CEP70: variants seen among roughly 807,000 people sequenced by gnomAD.
CEP70 encodes centrosomal protein of 70 kDa.
In CEP70, 70 loss-of-function variants were observed where a neutral mutation model predicts 90.9. The ratio of observed to expected loss-of-function variants is 0.77; its 90% CI spans 0.64 to 0.94. CEP70 has a LOEUF of 0.94. CEP70 is among the 40% of genes least tolerant of loss of function. CEP70 has a pLI of 0.00. For synonymous variants in CEP70, 220 were observed against 228.3 expected (o/e 0.96, Z 0.33); for missense variants, 648 against 669.0 (o/e 0.97, Z 0.35).
rs145010043 is a variant in CEP70 at position 138,509,852 on chromosome 3, A to G, written c.945-1308T>C. ...AGTTAGTCACTTAGTAGCCATCTTG[A>G]TTATCAGATCAACTGTTGGGTACCA... On this transcript the variant is annotated intron_variant, in intron 11 of 17. Transcript: ENST00000264982. Among the ~76,000 whole-genome samples the G allele has an allele frequency of 7.0e-3, 1,073 of 152,208 alleles. 12 individuals carry two copies. Among genetic ancestry groups the G allele is most frequent in the African/African-American group, 0.025 (1,027 of 41,518 alleles).
intron 10 of CEP70, among the ~76,000 whole-genome samples, chr3:138,527,888 T>C (rs902976748): frequency 2.6e-5 from 4 of 151,682 alleles, no homozygotes; most frequent in Non-Finnish European, 4.4e-5. Context: ...ATTGTTAGGG[T>C]GATTATCTGG....
chr3:138,511,421 ATGGCCTCTAGAAGGACT>A (rs1560297274), intron 11 of CEP70, among the ~76,000 whole-genome samples: 2 of 152,272 alleles, frequency 1.3e-5, no homozygotes, highest in Non-Finnish European at 2.9e-5. Context: ...AAAAGCTGAT[ATGGCCTCTAGAAGGACT>A]AGACGTAAAC....
chr3:138,499,831 G>A, intron 16 of CEP70: 1 of 299,652 alleles, frequency 3.3e-6, no homozygotes, highest in Non-Finnish European at 6.3e-6. Flanking sequence ...GGTGGCGTGT[G>A]CTTACAGTCA....
chr3:138,537,985 A>T (rs2038428825), intron 6 of CEP70, among the ~76,000 whole-genome samples: 1 of 152,066 alleles, frequency 6.6e-6, no homozygotes, highest in Non-Finnish European at 1.5e-5. Context: ...ATGGTAAGAG[A>T]ATCGGACTTC....
At position 138,570,495 on chromosome 3, in the gene CEP70, A is replaced by G. The variant is rs1022462676; in HGVS notation, c.288T>C (p.Asn96=). Residue 96 remains asparagine, a synonymous_variant, in exon 6 of 18, where the codon AAT becomes AAC. Coordinates refer to ENST00000264982, the MANE Select transcript of CEP70 (RefSeq NM_024491.4). ...ELIETNQQLR[N]ELQLEQSRAA... is the part of the protein sequence containing the mutation. ...CTCGGCTTTGCTCTAGCTGAAGTTC[A>G]TTTCTAAGTTAATAGACATACAATT... 2.5e-6 allele frequency: 4 copies of G among 1,602,364 alleles called. No individual in the cohort carries two copies. In the African/African-American group the frequency reaches 5.4e-5, roughly 22 times the overall value.
chr3:138,537,192 G>A lies in CEP70; in HGVS notation c.621C>T (p.Thr207=), dbSNP rs147011001. 9.4e-4 allele frequency: 1,478 copies of A among 1,565,482 alleles called. 12 individuals carry two copies. In the South Asian group the frequency reaches 0.011, roughly 12 times the overall value. ...AGCAAAATTACTGTCTATCCAAGAC[G>A]GTATGAGGAACTCTTTTGCACAGAT... is the stretch of plus-strand genomic sequence containing the variant. ...FAYLCKRVPH[T]VLDRQLLCLI... The change falls in exon 7 of 18, where the codon ACC becomes ACT. Residue 207 remains threonine (T), a synonymous_variant. Transcript: ENST00000264982.
chr3:138,521,441 G>A lies in CEP70; in HGVS notation c.944+4049C>T, dbSNP rs181369869. Reference sequence around the variant, plus strand: ...AGCCGCCCAGTCTGGGAAGTGAGGAGTGCCTCTTCCAGGCCGTCATCCTGT... The same window carrying A: ...AGCCGCCCAGTCTGGGAAGTGAGGAATGCCTCTTCCAGGCCGTCATCCTGT... On this transcript the variant is annotated intron_variant, in intron 11 of 17. Coordinates refer to ENST00000264982, the MANE Select transcript of CEP70 (RefSeq NM_024491.4). Among the ~76,000 whole-genome samples, 244 of 150,168 alleles carry A rather than the reference G, an allele frequency of 1.6e-3. 1 individual carries two copies. The highest frequency in any genetic ancestry group is 5.9e-3 in the African/African-American group (238 of 40,620).
At chr3:138,504,897 T>G (rs1051239302) in intron 13 of CEP70, among the ~76,000 whole-genome samples, 1 of 151,940 alleles carries the variant, frequency 6.6e-6, no homozygotes, top group Non-Finnish European at 1.5e-5. Context: ...AAATGAAGGA[T>G]AAGACATTAT....
rs1285260337 is a variant in CEP70, at chr3:138,555,333, AG to A, written c.465+14984del. On this transcript the variant is annotated intron_variant, in intron 6 of 17. Coordinates refer to ENST00000264982, the MANE Select transcript of CEP70 (RefSeq NM_024491.4). ...CTAAACCATAAAAATTCTAGAATATAGTATCAGAAAAACCCTTCTAGACATT... is the reference window on the plus strand; with the variant it reads ...CTAAACCATAAAAATTCTAGAATATATATCAGAAAAACCCTTCTAGACATT... Among the ~76,000 whole-genome samples the A allele has an allele frequency of 5.9e-5, 9 of 152,324 alleles. 1 individual carries two copies. Among genetic ancestry groups the A allele is most frequent in the Admixed American group, 4.6e-4 (7 of 15,308 alleles).
At chr3:138,591,711 T>C in intron 2 of CEP70, 143 bp downstream of exon 2, 1 of 716,940 alleles carries the variant, frequency 1.4e-6, no homozygotes, top group Admixed American at 2.7e-5. Context: ...GCTTCTTTGC[T>C]GAGTTGTAAA....
chr3:138,498,243 C>T, intron 16 of CEP70, 133 bp from the exon 17 acceptor site: 1 of 590,992 alleles, frequency 1.7e-6, no homozygotes, highest in Non-Finnish European at 2.8e-6. Context: ...TTACTACAGT[C>T]TTTTCTTTCT....
intron 6 of CEP70, among the ~76,000 whole-genome samples, chr3:138,539,763 A>G (rs2038595454): frequency 6.6e-6 from 1 of 152,224 alleles, no homozygotes; most frequent in South Asian, 2.1e-4. Context: ...AAATAGTAAC[A>G]GAAAAGTATC....
chr3:138,550,443 A>G (rs1380716468), intron 6 of CEP70, among the ~76,000 whole-genome samples: 1 of 152,188 alleles, frequency 6.6e-6, no homozygotes, highest in Non-Finnish European at 1.5e-5. Flanking sequence ...GGCTCACTGC[A>G]ACCTCCGCCT....
chr3:138,496,158 T>C, intron 17 of CEP70: 1 of 985,432 alleles, frequency 1.0e-6, no homozygotes, highest in Non-Finnish European at 1.2e-6. Context: ...TACCCACACT[T>C]TTTTCTAGCT....
intron 9 of CEP70, 23 bp downstream of exon 9, chr3:138,529,352 T>A: frequency 6.4e-7 from 1 of 1,573,886 alleles, no homozygotes; most frequent in South Asian, 1.2e-5. Context: ...AAAAAGTATT[T>A]ATTAGTTATG....
chr3:138,590,275 G>GA (rs1266580196), intron 2 of CEP70, among the ~76,000 whole-genome samples: 2 of 152,006 alleles, frequency 1.3e-5, no homozygotes, highest in African/African-American at 4.8e-5. Context: ...TCTCAGTATG[G>GA]AAAAAAGGAG....
chr3:138,500,041 G>C, intron 16 of CEP70, 69 bp downstream of exon 16: 1 of 1,025,758 alleles, frequency 9.7e-7, no homozygotes, highest in Non-Finnish European at 1.5e-6. Flanking sequence ...CAAGTAGCTG[G>C]GACTACAGGC....
chr3:138,579,794 T>G (rs2041755196), intron 2 of CEP70, among the ~76,000 whole-genome samples: 1 of 151,948 alleles, frequency 6.6e-6, no homozygotes, highest in East Asian at 2.0e-4. Flanking sequence ...CATTCACAGC[T>G]GTGGTGGCTA....
chr3:138,546,774 A>C (rs973058018), intron 6 of CEP70, among the ~76,000 whole-genome samples: 20 of 152,096 alleles, frequency 1.3e-4, no homozygotes, highest in Admixed American at 5.9e-4. Flanking sequence ...ATAAAAAAAA[A>C]CAAAAAACAC....
Sources: allele counts gnomAD v4.1 joint callset (sites outside exome capture counted in the v4.1 genomes callset), GRCh38; gene constraint gnomAD v4.1.1; transcripts MANE v1.5; gene names NCBI Gene and HGNC (gene_info 2026-07-23, HGNC 2026-07-21).